CBFA2T3: variants seen among roughly 807,000 people sequenced by gnomAD.
The protein encoded by CBFA2T3 is transcriptional corepressor CBFA2T3.
In CBFA2T3, 31 loss-of-function variants were observed where a neutral mutation model predicts 58.6. The ratio of observed to expected loss-of-function variants is 0.53; its 90% CI spans 0.40 to 0.71. CBFA2T3 has a LOEUF of 0.71. CBFA2T3 is among the 30% of genes least tolerant of loss of function. CBFA2T3 has a pLI of 0.00. For synonymous variants in CBFA2T3, 531 were observed against 421.9 expected (o/e 1.26, Z -3.17); for missense variants, 1,076 against 963.1 (o/e 1.12, Z -1.55).
intron 3 of CBFA2T3, 42 bp from the exon 4 acceptor site, chr16:88,892,527 GACA>G: frequency 6.2e-7 from 1 of 1,606,504 alleles, no homozygotes; most frequent in Non-Finnish European, 8.5e-7. Flanking sequence ...AGGTGATGGT[GACA>G]ACACAACCCA....
At chr16:88,897,037 C>A (rs1258854376) in intron 3 of CBFA2T3, among the ~76,000 whole-genome samples, 1 of 152,256 alleles carries the variant, frequency 6.6e-6, no homozygotes, top group Non-Finnish European at 1.5e-5. Context: ...ACGCGAGCAC[C>A]CCCGCGGCTC....
At chr16:88,891,282 G>A (rs72813599) in intron 5 of CBFA2T3, among the ~76,000 whole-genome samples, 33,922 of 152,020 alleles carry the variant, frequency 0.22, 4,089 homozygotes, top group East Asian at 0.45. Context: ...GCCTCTGCAC[G>A]TGCAGTTACT....
intron 1 of CBFA2T3, among the ~76,000 whole-genome samples, chr16:88,928,604 G>A (rs73256206): frequency 0.017 from 2,539 of 152,352 alleles, 79 homozygotes; most frequent in African/African-American, 0.058. Context: ...GCTGTCACCC[G>A]CCAGGTGGGG....
At chr16:88,931,310 G>C (rs1188525560) in intron 1 of CBFA2T3, among the ~76,000 whole-genome samples, 1 of 152,122 alleles carries the variant, frequency 6.6e-6, no homozygotes, top group Admixed American at 6.5e-5. Context: ...GGAGGGTGGA[G>C]GCCAGGCCCA....
At chr16:88,939,756 G>A (rs1288279816) in intron 1 of CBFA2T3, 1 of 152,252 alleles carries the variant, frequency 6.6e-6, no homozygotes, top group Non-Finnish European at 1.5e-5. Flanking sequence ...AGGAACTGTG[G>A]GCTGGGCCTT....
intron 1 of CBFA2T3, among the ~76,000 whole-genome samples, chr16:88,932,577 G>A (rs1971348138): frequency 1.3e-5 from 2 of 152,020 alleles, no homozygotes; most frequent in Admixed American, 1.3e-4. Context: ...AGCCTAGGAG[G>A]TTAAGGCAGC....
intron 1 of CBFA2T3, among the ~76,000 whole-genome samples, chr16:88,954,567 C>T (rs1972167851): frequency 3.9e-5 from 3 of 76,608 alleles, no homozygotes; most frequent in South Asian, 5.6e-4. Flanking sequence ...GGCTCCTGAC[C>T]CTACCCAAGG....
chr16:88,930,057 G>A (rs551195410), intron 1 of CBFA2T3, among the ~76,000 whole-genome samples: 5 of 140,706 alleles, frequency 3.6e-5, no homozygotes, highest in African/African-American at 1.5e-4. Context: ...CAGCTGCATC[G>A]TCCACGCAAA....
At chr16:88,975,180 A>AAAGGGCCACCCTGACCC (rs1567643994) in intron 1 of CBFA2T3, among the ~76,000 whole-genome samples, 2 of 79,426 alleles carry the variant, frequency 2.5e-5, no homozygotes, top group African/African-American at 5.4e-5. Context: ...TCTGCTCCAC[A>AAAGGGCCACCCTGACCC]TCTTTAGCCA....
intron 10 of CBFA2T3, 25 bp from the exon 11 acceptor site, chr16:88,879,485 G>A: frequency 6.3e-7 from 1 of 1,595,332 alleles, no homozygotes; most frequent in South Asian, 1.1e-5. Context: ...GGCAGGGCTG[G>A]CGGTCACATG....
chr16:88,899,720 C>T (rs1481402832), intron 2 of CBFA2T3, among the ~76,000 whole-genome samples: 1 of 152,222 alleles, frequency 6.6e-6, no homozygotes, highest in Non-Finnish European at 1.5e-5. Flanking sequence ...GTCTGGGGAA[C>T]CAGGCTCAGC....
intron 1 of CBFA2T3, among the ~76,000 whole-genome samples, chr16:88,955,489 G>A (rs79505484): frequency 3.8e-4 from 8 of 21,204 alleles, no homozygotes; most frequent in East Asian, 2.0e-3. Context: ...CCCACCCAAG[G>A]CTCCTGACCC....
chr16:88,930,451 G>A (rs537259482), intron 1 of CBFA2T3, among the ~76,000 whole-genome samples: 1 of 152,070 alleles, frequency 6.6e-6, no homozygotes, highest in African/African-American at 2.4e-5. Flanking sequence ...AACAACCCAC[G>A]CGTCCATCAA....
chr16:88,882,568 GGCTGTGGGCGTGGCTGTGTGTGC>G, intron 8 of CBFA2T3, 85 bp downstream of exon 8: 1 of 398,318 alleles, frequency 2.5e-6, no homozygotes, highest in Non-Finnish European at 4.4e-6. Flanking sequence ...GTGTGGGCAT[GGCTGTGGGCGTGGCTGTGTGTGC>G]ATGGCTGTGT....
chr16:88,885,090 C>T lies in CBFA2T3; in HGVS notation c.1073G>A (p.Arg358His), dbSNP rs760610315. 100 of 1,601,800 alleles carry T rather than the reference C, an allele frequency of 6.2e-5. No individual in the cohort carries two copies. The highest frequency in any genetic ancestry group is 7.7e-5 in the Non-Finnish European group (91 of 1,177,420). ...AMAHHFRDAY[R>H]HPDPRELRER... ...TCGTAGCTCCCGGGGGTCTGGGTGG[C>T]GGTAGGCATCTCGGAAGTGGTGGGC... The change falls in exon 7 of 12, where the codon CGC becomes CAC. Residue 358 changes from arginine (R) to histidine (H), a missense_variant. Coordinates refer to ENST00000268679, the MANE Select transcript of CBFA2T3 (RefSeq NM_005187.6). The surrounding 1 kb of genome is among the most constrained non-coding windows in gnomAD (Gnocchi z 5.3).
At chr16:88,973,420 C>T (rs1458646214) in intron 1 of CBFA2T3, among the ~76,000 whole-genome samples, 2 of 152,198 alleles carry the variant, frequency 1.3e-5, no homozygotes, top group Non-Finnish European at 2.9e-5. Context: ...GCCTTAGTTT[C>T]GGACTTCCAG....
chr16:88,919,453 C>T (rs1353830849), intron 1 of CBFA2T3, among the ~76,000 whole-genome samples: 3 of 152,218 alleles, frequency 2.0e-5, no homozygotes, highest in Admixed American at 2.0e-4. Flanking sequence ...CACCAGGGAA[C>T]AAGCACTCTA....
intron 1 of CBFA2T3, among the ~76,000 whole-genome samples, chr16:88,912,691 G>A (rs947932708): frequency 3.9e-4 from 59 of 152,312 alleles, no homozygotes; most frequent in African/African-American, 1.3e-3. Context: ...GCAGGGCCCC[G>A]TAAAGGTTTG....
intron 5 of CBFA2T3, among the ~76,000 whole-genome samples, chr16:88,888,129 G>T (rs1004765759): frequency 6.6e-6 from 1 of 151,954 alleles, no homozygotes; most frequent in African/African-American, 2.4e-5. Context: ...CCCCGTGAGG[G>T]AGATTCACCA....
Sources: gnomAD v4.1 joint callset for allele counts (sites outside exome capture counted in the v4.1 genomes callset) on GRCh38, gnomAD v4.1.1 for gene constraint, Gnocchi (gnomAD v3.1) non-coding constraint, MANE v1.5 for transcripts, NCBI Gene and HGNC (gene_info 2026-07-23, HGNC 2026-07-21) for gene names.